The following CES5A variants were observed in gnomAD, a reference collection of about 807,000 sequenced individuals.
The protein encoded by CES5A is carboxylesterase 5A, also known as carboxylesterase 5.
A neutral mutation model predicts 62.9 loss-of-function variants in CES5A; 67 were observed. The observed-to-expected ratio is 1.07, with a 90% CI of 0.88 to 1.31. The LOEUF is 1.31. Among genes scored for constraint, CES5A ranks in the 50% most tolerant of loss-of-function variants. The pLI, the probability that CES5A is intolerant of heterozygous loss-of-function variation, is 0.00. For synonymous variants in CES5A, 296 were observed against 280.8 expected (o/e 1.05, Z -0.54); for missense variants, 748 against 708.5 (o/e 1.06, Z -0.63).
chr16:55,931,108 C>T (rs1227288063), intron 2 of CES5A, among the ~76,000 whole-genome samples: 1 of 152,204 alleles, frequency 6.6e-6, no homozygotes, highest in Non-Finnish European at 1.5e-5. Flanking sequence ...TAATTAGTGA[C>T]AGAATCAGGG....
chr16:55,950,821 G>T (rs1337133830), intron 1 of CES5A, among the ~76,000 whole-genome samples: 1 of 150,476 alleles, frequency 6.6e-6, no homozygotes, highest in Non-Finnish European at 1.5e-5. Flanking sequence ...CCCACACTTG[G>T]CCGGGCACGG....
intron 1 of CES5A, among the ~76,000 whole-genome samples, chr16:55,920,093 C>T (rs1355110385): frequency 6.6e-6 from 1 of 152,146 alleles, no homozygotes; most frequent in Admixed American, 6.6e-5. Context: ...TCAGAAATAA[C>T]CCAGCAGTCA....
chr16:55,866,257 C>T lies in CES5A; in HGVS notation c.552-141G>A, dbSNP rs573946470. 7.8e-4 allele frequency: 513 copies of T among 660,764 alleles called. 3 individuals carry two copies. Among genetic ancestry groups the T allele is most frequent in the Middle Eastern group, 6.8e-3 (16 of 2,370 alleles). 40.9% of individuals were successfully genotyped at this position (660,764 alleles called of 1,614,324 possible). On this transcript the variant is annotated intron_variant, in intron 4 of 12. Transcript: ENST00000290567. ...AGAGGCCTGGAGGAGCTGGGGAAAC[C>T]GGACTCAGTTCTCACACTTTGCTGA...
intron 2 of CES5A, among the ~76,000 whole-genome samples, chr16:55,949,216 C>A (rs564245793): frequency 4.5e-4 from 69 of 152,014 alleles, no homozygotes; most frequent in Admixed American, 9.8e-4. Flanking sequence ...TCACTGCCAG[C>A]GTAATGAAGG....
intron 1 of CES5A, among the ~76,000 whole-genome samples, chr16:55,901,206 C>G (rs578117573): frequency 7.9e-5 from 12 of 152,212 alleles, no homozygotes; most frequent in African/African-American, 2.9e-4. Flanking sequence ...CCTGCACACT[C>G]TCTCACCTGC....
At chr16:55,874,695 G>A (rs1252579142) in intron 1 of CES5A, among the ~76,000 whole-genome samples, 1 of 152,158 alleles carries the variant, frequency 6.6e-6, no homozygotes, top group Non-Finnish European at 1.5e-5. Context: ...ATGGCACTTT[G>A]GGAGACTGGG....
chr16:55,904,466 A>T (rs563752733), intron 1 of CES5A, among the ~76,000 whole-genome samples: 200 of 152,300 alleles, frequency 1.3e-3, no homozygotes, highest in African/African-American at 4.5e-3. Flanking sequence ...AAGGCAGATC[A>T]TAAGCCACCA....
At chr16:55,933,279 C>T (rs139076267) in intron 2 of CES5A, among the ~76,000 whole-genome samples, 250 of 152,164 alleles carry the variant, frequency 1.6e-3, no homozygotes, top group Non-Finnish European at 3.0e-3. Context: ...TGGGAAATGG[C>T]GGGGAGGACA....
chr16:55,849,296 G>A (rs1238846302), intron 11 of CES5A, among the ~76,000 whole-genome samples: 1 of 152,066 alleles, frequency 6.6e-6, no homozygotes, highest in African/African-American at 2.4e-5. Context: ...CTGGGAAGGG[G>A]AGGGAGGGTA....
chr16:55,866,730 C>A (rs1267973544), intron 4 of CES5A, among the ~76,000 whole-genome samples: 1 of 150,252 alleles, frequency 6.7e-6, no homozygotes, highest in African/African-American at 2.5e-5. Flanking sequence ...CCCAGTTATT[C>A]GGGAGGCTGA....
intron 2 of CES5A, among the ~76,000 whole-genome samples, chr16:55,937,198 C>T (rs951107223): frequency 3.3e-5 from 5 of 152,196 alleles, no homozygotes; most frequent in Non-Finnish European, 4.4e-5. Flanking sequence ...TTCTCTAACC[C>T]CTTCCCCCAG....
chr16:55,871,514 C>T, intron 3 of CES5A, 111 bp downstream of exon 3: 1 of 1,205,380 alleles, frequency 8.3e-7, no homozygotes, highest in Non-Finnish European at 1.2e-6. Context: ...ATTACATTTC[C>T]CTTTTACCCA....
At chr16:55,880,833 A>G (rs1446180786) in intron 1 of CES5A, among the ~76,000 whole-genome samples, 1 of 152,230 alleles carries the variant, frequency 6.6e-6, no homozygotes, top group African/African-American at 2.4e-5. Context: ...AATACAGAGT[A>G]CACTGTGAAA....
At chr16:55,916,252 A>G (rs570635614) in intron 1 of CES5A, among the ~76,000 whole-genome samples, 6 of 152,162 alleles carry the variant, frequency 3.9e-5, no homozygotes, top group Non-Finnish European at 8.8e-5. Context: ...GTAATTGGGA[A>G]AGCTACATAT....
intron 1 of CES5A, among the ~76,000 whole-genome samples, chr16:55,896,867 T>C (rs2033939712): frequency 6.6e-6 from 1 of 152,168 alleles, no homozygotes; most frequent in Non-Finnish European, 1.5e-5. Flanking sequence ...AGGCCCTGAA[T>C]ACTGAATGGC....
intron 1 of CES5A, among the ~76,000 whole-genome samples, chr16:55,889,498 T>G (rs2033852412): frequency 6.6e-6 from 1 of 152,084 alleles, no homozygotes; most frequent in Admixed American, 6.6e-5. Context: ...GAAAGGATAT[T>G]ACAAAGGATA....
intron 2 of CES5A, chr16:55,944,243 A>C (rs919907848): frequency 1.6e-6 from 1 of 616,058 alleles, no homozygotes; most frequent in African/African-American, 1.8e-5. Flanking sequence ...TCCTCCAGGG[A>C]CTTTTTGCCT....
intron 1 of CES5A, among the ~76,000 whole-genome samples, chr16:55,884,401 GC>G: frequency 6.6e-6 from 1 of 152,246 alleles, no homozygotes; most frequent in East Asian, 1.9e-4. Flanking sequence ...TGATCCTCTG[GC>G]CTTGGTGATC....
intron 1 of CES5A, among the ~76,000 whole-genome samples, chr16:55,917,269 T>C (rs1159446434): frequency 6.6e-6 from 1 of 152,268 alleles, no homozygotes; most frequent in Admixed American, 6.5e-5. Flanking sequence ...ACTAGTTACC[T>C]ATTGCTGCCT....
Sources: allele counts gnomAD v4.1 joint callset (sites outside exome capture counted in the v4.1 genomes callset), GRCh38; gene constraint gnomAD v4.1.1; transcripts MANE v1.5; gene names NCBI Gene and HGNC (gene_info 2026-07-23, HGNC 2026-07-21).